The following COL14A1 variants were observed in gnomAD, a reference collection of about 807,000 sequenced individuals.
COL14A1 encodes the protein collagen type XIV alpha 1 chain, also known as collagen alpha-1(XIV) chain.
In COL14A1, 136 loss-of-function variants were observed where a neutral mutation model predicts 230.3. The ratio of observed to expected loss-of-function variants is 0.59; its 90% CI spans 0.51 to 0.68. The LOEUF (loss-of-function observed/expected upper bound fraction) is 0.68, where lower values mean the gene tolerates loss of function less well. Ranked by LOEUF, COL14A1 falls within the 30% of genes least tolerant of loss-of-function variation. COL14A1 has a pLI of 0.00. For synonymous variants in COL14A1, 792 were observed against 784.1 expected (o/e 1.01, Z -0.17); for missense variants, 1,976 against 2,215.8 (o/e 0.89, Z 2.17).
intron 1 of COL14A1, among the ~76,000 whole-genome samples, chr8:120,133,490 T>C (rs1814612383): frequency 6.6e-6 from 1 of 152,070 alleles, no homozygotes; most frequent in Non-Finnish European, 1.5e-5. Flanking sequence ...TATTAGAAAA[T>C]GGATTAATAT....
chr8:120,293,415 T>G (rs1820431781), intron 34 of COL14A1, among the ~76,000 whole-genome samples: 2 of 151,950 alleles, frequency 1.3e-5, no homozygotes, highest in East Asian at 3.8e-4. Context: ...CTTTTAAAAT[T>G]ATAATGATAG....
In COL14A1 at chr8:120,185,718, C is replaced by T. The variant is rs566243259; in HGVS notation, c.437-11073C>T. ...AGCTGTTATCCAGTCCTAGCTCTGC[C>T]GGTAACTAGTAAGTCAGTCACTTGT... is the stretch of plus-strand genomic sequence containing the variant. On this transcript the variant is annotated intron_variant, in intron 5 of 47. Coordinates refer to ENST00000297848, the MANE Select transcript of COL14A1 (RefSeq NM_021110.4). 1.5e-4 allele frequency among the ~76,000 whole-genome samples: 23 copies of T among 152,178 alleles called. No homozygotes were observed. The Middle Eastern group carries it at 0.014, about 90-fold the overall frequency.
intron 2 of COL14A1, among the ~76,000 whole-genome samples, chr8:120,149,755 C>T (rs115319150): frequency 5.2e-4 from 77 of 148,326 alleles, no homozygotes; most frequent in African/African-American, 1.7e-3. Flanking sequence ...TGGCAAATGG[C>T]GCAGTCTCGG....
chr8:120,255,334 G>A lies in COL14A1; in HGVS notation c.2847G>A (p.Arg949=), dbSNP rs1819110590. ...TACATCGCCATGCCACAGCCTATAG[G>A]GTTGTTATAGAATCCCTCCAGGGTG... ...WQVHRHATAY[R]VVIESLQDRQ... The change falls in exon 23 of 48, where the codon AGG becomes AGA. Residue 949 remains arginine, a synonymous_variant. Transcript: ENST00000297848. The A allele has an allele frequency of 2.5e-6, 4 of 1,613,670 alleles. No individual in the cohort carries two copies. Among genetic ancestry groups the A allele is most frequent in the Non-Finnish European group, 3.4e-6 (4 of 1,179,640 alleles).
chr8:120,369,394 A>T lies in COL14A1; in HGVS notation c.5220A>T (p.Pro1740=). The T allele has an allele frequency of 6.2e-7, 1 of 1,609,912 alleles. No homozygotes were observed. Among genetic ancestry groups the T allele is most frequent in the Non-Finnish European group, 8.5e-7 (1 of 1,178,196 alleles). ...GPPGSPGPRG[P]PGHLGVPGPQ... ...CTGGCTCTCCTGGACCAAGAGGCCC[A>T]CCAGGTCATCTGGGGGTTCCTGGAC... The change falls in exon 47 of 48, where the codon CCA becomes CCT. Residue 1740 remains proline (P), a synonymous_variant. Coordinates refer to ENST00000297848, the MANE Select transcript of COL14A1 (RefSeq NM_021110.4).
At chr8:120,208,156 G>T (rs3765062) in intron 10 of COL14A1, 76 bp from the exon 11 acceptor site, 2 of 1,401,754 alleles carry the variant, frequency 1.4e-6, no homozygotes, top group South Asian at 1.5e-5. Context: ...TTTGCTGGAC[G>T]TATTTTCGCT....
chr8:120,310,883 G>T (rs1219518127), intron 37 of COL14A1, among the ~76,000 whole-genome samples: 2 of 152,176 alleles, frequency 1.3e-5, no homozygotes, highest in Non-Finnish European at 2.9e-5. Flanking sequence ...AAGGCCCTTT[G>T]TAACTTGACT....
At chr8:120,203,021 T>TATATATATATATATATATATATATATATA (rs61499035) in intron 8 of COL14A1, among the ~76,000 whole-genome samples, 1 of 141,602 alleles carries the variant, frequency 7.1e-6, no homozygotes, top group African/African-American at 2.6e-5. Context: ...TATATATATA[T>TATATATATATATATATATATATATATATA]TTGTTCTAGC....
At chr8:120,196,177 G>T (rs1430834068) in intron 5 of COL14A1, among the ~76,000 whole-genome samples, 1 of 152,160 alleles carries the variant, frequency 6.6e-6, no homozygotes, top group Non-Finnish European at 1.5e-5. Flanking sequence ...AAAATTTACT[G>T]TCACATACAC....
intron 25 of COL14A1, among the ~76,000 whole-genome samples, chr8:120,267,432 T>A (rs1162603416): frequency 6.6e-6 from 1 of 151,984 alleles, no homozygotes; most frequent in Admixed American, 6.6e-5. Context: ...AATACATGAT[T>A]GCTGCTCTCT....
chr8:120,128,762 T>A (rs112774459), intron 1 of COL14A1, among the ~76,000 whole-genome samples: 3,613 of 152,286 alleles, frequency 0.024, 58 homozygotes, highest in African/African-American at 0.036. Context: ...TGTTGCACTT[T>A]TCTCTCTATG....
At chr8:120,181,412 G>A (rs1310899410) in intron 5 of COL14A1, among the ~76,000 whole-genome samples, 1 of 152,128 alleles carries the variant, frequency 6.6e-6, no homozygotes, top group African/African-American at 2.4e-5. Context: ...GTTTCAGGAA[G>A]AAACAATTTT....
chr8:120,283,846 G>T, intron 32 of COL14A1, 68 bp downstream of exon 32: 1 of 1,385,670 alleles, frequency 7.2e-7, no homozygotes. Context: ...ATGCCATTTT[G>T]CCTGTTTGTG....
chr8:120,239,121 G>A (rs898749774), intron 19 of COL14A1, among the ~76,000 whole-genome samples: 5 of 152,150 alleles, frequency 3.3e-5, no homozygotes, highest in Non-Finnish European at 7.3e-5. Flanking sequence ...TTTAATCATG[G>A]CCTTCCCATG....
At chr8:120,197,061 C>A in intron 6 of COL14A1, 115 bp downstream of exon 6, 1 of 945,094 alleles carries the variant, frequency 1.1e-6, no homozygotes, top group Non-Finnish European at 1.6e-6. Flanking sequence ...GCAGGATACT[C>A]ATGGTCCCCT....
intron 5 of COL14A1, among the ~76,000 whole-genome samples, chr8:120,169,541 T>C (rs1816032003): frequency 1.3e-5 from 2 of 152,106 alleles, no homozygotes; most frequent in African/African-American, 4.8e-5. Flanking sequence ...TCTTTATTTC[T>C]TTAATGAACA....
At chr8:120,236,595 T>A (rs1818452415) in intron 19 of COL14A1, among the ~76,000 whole-genome samples, 1 of 152,222 alleles carries the variant, frequency 6.6e-6, no homozygotes, top group African/African-American at 2.4e-5. Flanking sequence ...TGTCTTTTAA[T>A]TGGGGCATTT....
intron 24 of COL14A1, among the ~76,000 whole-genome samples, chr8:120,265,633 G>GTA (rs950047601): frequency 3.4e-5 from 5 of 147,304 alleles, no homozygotes; most frequent in African/African-American, 7.5e-5. Flanking sequence ...AATAAAAAAG[G>GTA]TATATATATG....
intron 10 of COL14A1, among the ~76,000 whole-genome samples, 177 bp from the exon 11 acceptor site, chr8:120,208,055 T>C (rs1817497908): frequency 6.6e-6 from 1 of 152,182 alleles, no homozygotes; most frequent in East Asian, 1.9e-4. Flanking sequence ...CCATAAAAGG[T>C]GCATCACTTC....
Sources: allele counts gnomAD v4.1 joint callset (sites outside exome capture counted in the v4.1 genomes callset), GRCh38; gene constraint gnomAD v4.1.1; transcripts MANE v1.5; gene names NCBI Gene and HGNC (gene_info 2026-07-23, HGNC 2026-07-21).